The following CNOT3 variants were observed in gnomAD, a reference collection of about 807,000 sequenced individuals.
CNOT3 encodes CCR4-NOT transcription complex subunit 3, also known as CCR4-associated factor 3.
Under a neutral mutation model 89.4 loss-of-function variants are expected in CNOT3, and 2 were observed. The ratio of observed to expected loss-of-function variants is 0.02; its 90% CI spans 0.01 to 0.07. The LOEUF is 0.07. Among genes scored for constraint, CNOT3 ranks in the 10% least tolerant of loss-of-function variants. The probability of loss-of-function intolerance (pLI) is 1.00; values close to 1 mark genes in which losing one functional copy is unlikely to be tolerated. For missense variants in CNOT3, 664 were observed against 1,010.2 expected (o/e 0.66, Z 4.65); for synonymous variants, 486 against 402.0 (o/e 1.21, Z -2.50).
In CNOT3 at chr19:54,153,702, G is replaced by T; in HGVS notation, c.2038-13G>T. ...GGGCCCCCTGATCCCCCTCTCCACT[G>T]TTCCTCCCCCAGGGCACTAAGGCAC... On this transcript the variant is annotated splice_polypyrimidine_tract_variant and intron_variant, in intron 16 of 17. Coordinates refer to ENST00000221232, the MANE Select transcript of CNOT3 (RefSeq NM_014516.4). The T allele has an allele frequency of 6.2e-7, 1 of 1,613,200 alleles. No homozygotes were observed. The highest frequency in any genetic ancestry group is 8.5e-7 in the Non-Finnish European group (1 of 1,179,336).
In CNOT3 at chr19:54,144,089, A is replaced by G. The variant is rs141799121; in HGVS notation, c.342A>G (p.Val114=). Residue 114 remains valine (V), a synonymous_variant, in exon 6 of 18, where the codon GTA becomes GTG. Coordinates refer to ENST00000221232, the MANE Select transcript of CNOT3 (RefSeq NM_014516.4). This position sits in a 1 kb window ranked among gnomAD's most constrained non-coding sequence, Gnocchi z 4.8. ...AGGGCCTGGGCCTGGCCCAGAAGGT[A>G]GATCCTGCCCAGAAGGAGAAGGAAG... is the stretch of plus-strand genomic sequence containing the variant. ...SKEGLGLAQK[V]DPAQKEKEEV... is the part of the protein sequence containing the mutation. 1 of 1,605,192 alleles carries G rather than the reference A, an allele frequency of 6.2e-7. No individual in the cohort carries two copies. The highest frequency in any genetic ancestry group is 1.8e-5 in the Admixed American group (1 of 56,896).
chr19:54,143,196 C>T lies in CNOT3; in HGVS notation c.93+10C>T. On this transcript the variant is annotated intron_variant, in intron 3 of 17. Transcript: ENST00000221232. ...AGATATTTGGCAGAAGGTACAGGGG[C>T]TGAGACCCTAATAATCTGGGTCTTC... 1 of 1,611,150 alleles carries T rather than the reference C, an allele frequency of 6.2e-7. No homozygotes were observed. Among genetic ancestry groups the T allele is most frequent in the Non-Finnish European group, 8.5e-7 (1 of 1,177,574 alleles).
At chr19:54,151,235 G>A (rs1332045284) in intron 13 of CNOT3, among the ~76,000 whole-genome samples, 8 of 152,182 alleles carry the variant, frequency 5.3e-5, no homozygotes, top group African/African-American at 1.4e-4. Context: ...GTGGGTGGTC[G>A]GGAACCATGG....
In CNOT3 at chr19:54,153,017, G is replaced by A. The variant is rs2075211950; in HGVS notation, c.2037+18G>A. 2 of 1,593,006 alleles carry A rather than the reference G, an allele frequency of 1.3e-6. No individual in the cohort carries two copies. The highest frequency in any genetic ancestry group is 1.7e-6 in the Non-Finnish European group (2 of 1,166,184). On this transcript the variant is annotated intron_variant, in intron 16 of 17. Transcript: ENST00000221232. Reference sequence around the variant, plus strand: ...ATCTGGAGGTACAGCAGGGCCCCCGGGGCAGCCTCGGGCCCCCCGGCTTCG... The same window carrying A: ...ATCTGGAGGTACAGCAGGGCCCCCGAGGCAGCCTCGGGCCCCCCGGCTTCG...
In CNOT3 at chr19:54,148,237, G is replaced by C; in HGVS notation, c.984G>C (p.Pro328=). ...AVPPTYPSGP[P]PAASALSTTP... ...CGCCCACCTACCCCTCCGGCCCCCC[G>C]CCTGCTGCCTCTGCCTTGAGCACCA... Residue 328 remains proline (P), a synonymous_variant, in exon 11 of 18, where the codon CCG becomes CCC. Coordinates refer to ENST00000221232, the MANE Select transcript of CNOT3 (RefSeq NM_014516.4). This position sits in a 1 kb window ranked among gnomAD's most constrained non-coding sequence, Gnocchi z 6.3. 2 of 1,590,188 alleles carry C rather than the reference G, an allele frequency of 1.3e-6. No individual in the cohort carries two copies. Among genetic ancestry groups the C allele is most frequent in the Non-Finnish European group, 1.7e-6 (2 of 1,167,948 alleles).
At position 54,148,773 on chromosome 19, in the gene CNOT3, G is replaced by T; in HGVS notation, c.1406+30G>T. On this transcript the variant is annotated intron_variant, in intron 12 of 17. Coordinates refer to ENST00000221232, the MANE Select transcript of CNOT3 (RefSeq NM_014516.4). This position sits in a 1 kb window ranked among gnomAD's most constrained non-coding sequence, Gnocchi z 6.3. The stretch of plus-strand genomic sequence containing the variant: ...GTGTCTCGGCCATCGGCAGGGTTGG[G>T]ATGGCAGCCTTTTGAAACAGAGAGG... The T allele has an allele frequency of 6.2e-7, 1 of 1,601,722 alleles. No individual in the cohort carries two copies. The highest frequency in any genetic ancestry group is 8.5e-7 in the Non-Finnish European group (1 of 1,174,050).
Position 54,152,216 on chromosome 19 carries a change from T to C in CNOT3, c.1606-10T>C, listed in dbSNP as rs777391008. 4 of 1,613,888 alleles carry C rather than the reference T, an allele frequency of 2.5e-6. No homozygotes were observed. In the South Asian group the frequency reaches 4.4e-5, roughly 18 times the overall value. The stretch of plus-strand genomic sequence containing the variant: ...AAGTGCTCAGGCCAGGCCTCTTGTT[T>C]CCTCCCCAGGCCCCTGAGCCTCTGA... On this transcript the variant is annotated splice_polypyrimidine_tract_variant and intron_variant, in intron 13 of 17. Transcript: ENST00000221232.
At chr19:54,149,881 C>G in intron 13 of CNOT3, 123 bp downstream of exon 13, 1 of 1,005,714 alleles carries the variant, frequency 9.9e-7, no homozygotes, top group Non-Finnish European at 1.4e-6. Context: ...TTTCTGTCCC[C>G]TTCTCACACT....
chr19:54,147,352 G>A (rs587718828), intron 10 of CNOT3, among the ~76,000 whole-genome samples: 1 of 152,334 alleles, frequency 6.6e-6, no homozygotes, highest in South Asian at 2.1e-4. Context: ...GGAGGCTGGT[G>A]TGGAGACTAA....
Position 54,145,537 on chromosome 19 carries a change from G to GT in CNOT3, c.484-61_484-60insT. 1 of 1,165,340 alleles carries GT rather than the reference G, an allele frequency of 8.6e-7. No individual in the cohort carries two copies. Among genetic ancestry groups the GT allele is most frequent in the Non-Finnish European group, 1.3e-6 (1 of 782,046 alleles). The allele number at this position is 1,165,340 out of a possible 1,614,324, so 72.2% of individuals were successfully genotyped here. The stretch of plus-strand genomic sequence containing the variant: ...AGGGACTGAGGACAGGTTCTGTGGG[G>GT]GCAGGAGGGGCCAAGCAGGTGCTCT... On this transcript the variant is annotated intron_variant, in intron 7 of 17. Transcript: ENST00000221232. This position sits in a 1 kb window ranked among gnomAD's most constrained non-coding sequence, Gnocchi z 5.9.
intron 17 of CNOT3, 163 bp downstream of exon 17, chr19:54,154,003 A>G (rs1004577249): frequency 2.3e-6 from 2 of 871,606 alleles, no homozygotes; most frequent in Non-Finnish European, 3.8e-6. Flanking sequence ...CTCAGCCTGG[A>G]ACACCGCCCT....
At position 54,148,256 on chromosome 19, in the gene CNOT3, A is replaced by C. The variant is rs776345967; in HGVS notation, c.1003A>C (p.Ser335Arg). Residue 335 changes from serine to arginine, a missense_variant, in exon 11 of 18, where the codon AGC becomes CGC. Around this residue, in one of 8 missense-constraint regions of CNOT3, gnomAD observed 545 missense variants for 566.2 expected, o/e 0.96. Coordinates refer to ENST00000221232, the MANE Select transcript of CNOT3 (RefSeq NM_014516.4). The surrounding 1 kb of genome is among the most constrained non-coding windows in gnomAD (Gnocchi z 6.3). ...SGPPPAASAL[S>R]TTPGNNGVPA... ...CCCCCCGCCTGCTGCCTCTGCCTTG[A>C]GCACCACTCCTGGCAACAATGGGGT... 1.9e-5 allele frequency: 31 copies of C among 1,604,774 alleles called. No homozygotes were observed. The highest frequency in any genetic ancestry group is 2.5e-5 in the Non-Finnish European group (29 of 1,175,512).
Position 54,147,371 on chromosome 19 carries a change from G to A in CNOT3, c.894+714G>A, listed in dbSNP as rs368554027. ...GCTGGTGTGGAGACTAAGGGGACCC[G>A]CAGGTAGTAGTGAGGGCGGGCAACA... On this transcript the variant is annotated intron_variant, in intron 10 of 17. Transcript: ENST00000221232. 2.6e-4 allele frequency among the ~76,000 whole-genome samples: 39 copies of A among 152,280 alleles called. No homozygotes were observed. The East Asian group carries it at 4.8e-3, about 19-fold the overall frequency.
Position 54,148,053 on chromosome 19 carries a change from AG to A in CNOT3, c.895-93del. 1.0e-6 allele frequency: 1 copy of A among 993,754 alleles called. No individual in the cohort carries two copies. 61.6% of individuals were successfully genotyped at this position (993,754 alleles called of 1,614,324 possible). A position where few individuals can be genotyped will look rare whatever the true frequency, so the allele number is the denominator to read the frequency against. On this transcript the variant is annotated intron_variant, in intron 10 of 17. Coordinates refer to ENST00000221232, the MANE Select transcript of CNOT3 (RefSeq NM_014516.4). This position sits in a 1 kb window ranked among gnomAD's most constrained non-coding sequence, Gnocchi z 6.3. The stretch of plus-strand genomic sequence containing the variant: ...GGTGGGGGCAGCGAGGCCAGAGAGG[AG>A]GCTGCTGGGACAAAGATGGAGCCTG...
chr19:54,147,516 A>C (rs1314365321), intron 10 of CNOT3, among the ~76,000 whole-genome samples: 1 of 152,226 alleles, frequency 6.6e-6, no homozygotes, highest in African/African-American at 2.4e-5. Flanking sequence ...GTGGGTAGTC[A>C]GTCCTGTTGG....
Position 54,152,414 on chromosome 19 carries a change from C to G in CNOT3, c.1706-14C>G, listed in dbSNP as rs780872750. On this transcript the variant is annotated splice_polypyrimidine_tract_variant and intron_variant, in intron 14 of 17. Transcript: ENST00000221232. ...CTCACCACTGAGGGGGCCGGACCCC[C>G]ACCCTCCCCACAGACATCATCCTGA... 1.9e-6 allele frequency: 3 copies of G among 1,613,934 alleles called. No individual in the cohort carries two copies. The African/African-American group carries it at 4.0e-5, about 22-fold the overall frequency.
At chr19:54,153,423 C>A (rs1471732792) in intron 16 of CNOT3, 1 of 772,382 alleles carries the variant, frequency 1.3e-6, no homozygotes, top group Non-Finnish European at 2.4e-6. Context: ...CACCCTCATC[C>A]CCACTTGGGA....
chr19:54,139,776 T>C (rs1198966397), intron 1 of CNOT3, among the ~76,000 whole-genome samples: 1 of 152,220 alleles, frequency 6.6e-6, no homozygotes, highest in Non-Finnish European at 1.5e-5. Context: ...GACTCCACTG[T>C]AGACCCTGTC....
intron 5 of CNOT3, 35 bp from the exon 6 acceptor site, chr19:54,143,971 T>C: frequency 6.3e-7 from 1 of 1,583,552 alleles, no homozygotes; most frequent in East Asian, 2.2e-5. Flanking sequence ...CTTTCCCACC[T>C]TTGAGAGCCC....
Sources: gnomAD v4.1 joint callset for allele counts (sites outside exome capture counted in the v4.1 genomes callset) on GRCh38, gnomAD v4.1.1 for gene constraint, gnomAD v4.1.1 regional missense constraint, Gnocchi (gnomAD v3.1) non-coding constraint, MANE v1.5 for transcripts, NCBI Gene and HGNC (gene_info 2026-07-23, HGNC 2026-07-21) for gene names.